The following SGCZ variants were observed in gnomAD, a reference collection of about 807,000 sequenced individuals.
The protein encoded by SGCZ is zeta-sarcoglycan.
Under a neutral mutation model 41.3 loss-of-function variants are expected in SGCZ, and 40 were observed. The ratio of observed to expected loss-of-function variants is 0.97; its 90% confidence interval spans 0.75 to 1.26. The LOEUF is 1.26. Among genes scored for constraint, SGCZ ranks in the 50% most tolerant of loss-of-function variants. The pLI is 0.00. For synonymous variants in SGCZ, 206 were observed against 137.5 expected (o/e 1.50, Z -3.49); for missense variants, 552 against 369.8 (o/e 1.49, Z -4.04).
intron 1 of SGCZ, among the ~76,000 whole-genome samples, chr8:14,555,569 G>A (rs896126105): frequency 2.6e-5 from 4 of 151,940 alleles, no homozygotes; most frequent in African/African-American, 9.7e-5. Flanking sequence ...GTAGAACTAG[G>A]AGCCAATTAA....
intron 2 of SGCZ, among the ~76,000 whole-genome samples, chr8:14,366,828 G>A (rs1803725130): frequency 6.6e-6 from 1 of 152,116 alleles, no homozygotes; most frequent in South Asian, 2.1e-4. Flanking sequence ...ATACAATGAG[G>A]ATAAAGGCAC....
rs574934905 is a variant in SGCZ at position 14,087,317 on chromosome 8, A to G, written c.*3126T>C. Among the ~76,000 whole-genome samples, 1 of 151,442 alleles carries G rather than the reference A, an allele frequency of 6.6e-6. No individual in the cohort carries two copies. Among genetic ancestry groups the G allele is most frequent in the South Asian group, 2.1e-4 (1 of 4,806 alleles). ...TGTTGTTCTTGCTGTTTTTTTTTGAAGTATTTAATTGAAATCTTCTGAAAA... is the reference window on the plus strand; with the variant it reads ...TGTTGTTCTTGCTGTTTTTTTTTGAGGTATTTAATTGAAATCTTCTGAAAA... On this transcript the variant is annotated 3_prime_UTR_variant, in exon 8 of 8. Coordinates refer to ENST00000382080, the MANE Select transcript of SGCZ (RefSeq NM_139167.4).
At chr8:14,444,005 A>G (rs772613546) in intron 2 of SGCZ, among the ~76,000 whole-genome samples, 1 of 152,210 alleles carries the variant, frequency 6.6e-6, no homozygotes, top group Non-Finnish European at 1.5e-5. Flanking sequence ...GGTGAAGGAT[A>G]TGAACAGACG....
intron 2 of SGCZ, among the ~76,000 whole-genome samples, chr8:14,490,024 C>G (rs571566338): frequency 6.6e-6 from 1 of 151,946 alleles, no homozygotes; most frequent in Non-Finnish European, 1.5e-5. Flanking sequence ...CATGCCACCA[C>G]GCCCAGCTAA....
chr8:14,237,772 A>C, intron 3 of SGCZ, 93 bp from the exon 4 acceptor site: 1 of 1,215,796 alleles, frequency 8.2e-7, no homozygotes, highest in Non-Finnish European at 1.2e-6. Context: ...ATTCTGAAAA[A>C]TTTAATTTGT....
At chr8:15,143,509 G>C (rs1449104754) in intron 1 of SGCZ, among the ~76,000 whole-genome samples, 1 of 152,154 alleles carries the variant, frequency 6.6e-6, no homozygotes, top group Non-Finnish European at 1.5e-5. Flanking sequence ...AAAGTGTTTT[G>C]AAAATAGCCA....
intron 1 of SGCZ, among the ~76,000 whole-genome samples, chr8:15,136,959 C>T (rs989827302): frequency 2.0e-5 from 3 of 152,080 alleles, no homozygotes; most frequent in Admixed American, 2.0e-4. Context: ...CAGAACAAGA[C>T]AGGAAAATGT....
At chr8:14,837,971 T>C (rs1315921220) in intron 1 of SGCZ, among the ~76,000 whole-genome samples, 1 of 152,154 alleles carries the variant, frequency 6.6e-6, no homozygotes, top group East Asian at 1.9e-4. Flanking sequence ...CAATAAATTA[T>C]GTAGTTAGAT....
intron 1 of SGCZ, among the ~76,000 whole-genome samples, chr8:14,756,581 T>TTCTA (rs1383312527): frequency 1.3e-5 from 2 of 152,216 alleles, no homozygotes; most frequent in Non-Finnish European, 2.9e-5. Flanking sequence ...GAGTTTGCAT[T>TTCTA]TCTATCTCCT....
intron 3 of SGCZ, among the ~76,000 whole-genome samples, chr8:14,281,221 C>T (rs527750262): frequency 1.3e-5 from 2 of 151,976 alleles, no homozygotes; most frequent in South Asian, 4.1e-4. Flanking sequence ...ATAATTGGCA[C>T]AAAATATATA....
At chr8:14,466,593 T>C (rs1410297807) in intron 2 of SGCZ, among the ~76,000 whole-genome samples, 13 of 151,880 alleles carry the variant, frequency 8.6e-5, no homozygotes, top group Non-Finnish European at 1.9e-4. Context: ...CACATATTGC[T>C]CTGCTTGATG....
At chr8:15,161,077 A>G (rs970300363) in intron 1 of SGCZ, among the ~76,000 whole-genome samples, 1 of 152,066 alleles carries the variant, frequency 6.6e-6, no homozygotes, top group Non-Finnish European at 1.5e-5. Context: ...AAGATCTTGC[A>G]GTGGCCTCTC....
At chr8:15,119,768 T>C (rs1186524543) in intron 1 of SGCZ, among the ~76,000 whole-genome samples, 2 of 152,120 alleles carry the variant, frequency 1.3e-5, no homozygotes, top group African/African-American at 4.8e-5. Flanking sequence ...ACTACCACGC[T>C]CTTATATTCT....
chr8:14,976,317 C>G (rs1282942513), intron 1 of SGCZ, among the ~76,000 whole-genome samples: 1 of 152,034 alleles, frequency 6.6e-6, no homozygotes, highest in East Asian at 1.9e-4. Context: ...GCCACCGCGC[C>G]TGTCCCTCCC....
intron 1 of SGCZ, among the ~76,000 whole-genome samples, chr8:15,059,824 C>A (rs941033481): frequency 1.3e-5 from 2 of 152,126 alleles, no homozygotes. Context: ...CCGGTTAATG[C>A]CTTCAGTTCT....
intron 4 of SGCZ, among the ~76,000 whole-genome samples, chr8:14,211,886 CACAGAAGTG>C (rs1805820104): frequency 6.6e-6 from 1 of 152,008 alleles, no homozygotes; most frequent in Non-Finnish European, 1.5e-5. Flanking sequence ...CAGAAAGTAC[CACAGAAGTG>C]GTACCACAAC....
chr8:14,540,622 T>C (rs1309151050), intron 2 of SGCZ, among the ~76,000 whole-genome samples: 1 of 151,976 alleles, frequency 6.6e-6, no homozygotes, highest in Non-Finnish European at 1.5e-5. Context: ...GATCACATTT[T>C]CACTTTCTGT....
At chr8:15,236,685 T>C (rs546690525) in intron 1 of SGCZ, among the ~76,000 whole-genome samples, 1 of 152,286 alleles carries the variant, frequency 6.6e-6, no homozygotes, top group East Asian at 1.9e-4. Context: ...ATATATTTTT[T>C]TTTCTTGAAG....
intron 3 of SGCZ, among the ~76,000 whole-genome samples, chr8:14,276,347 TCTCATTG>T (rs1186157461): frequency 2.6e-5 from 4 of 152,118 alleles, no homozygotes; most frequent in African/African-American, 9.7e-5. Context: ...ATTTTTGCAT[TCTCATTG>T]CTTAGCATGG....
Sources: allele counts gnomAD v4.1 joint callset (sites outside exome capture counted in the v4.1 genomes callset), GRCh38; gene constraint gnomAD v4.1.1; transcripts MANE v1.5; gene names NCBI Gene and HGNC (gene_info 2026-07-23, HGNC 2026-07-21).